The following CNTN5 variants were observed in gnomAD, a reference collection of about 807,000 sequenced individuals.
CNTN5 encodes contactin-5.
In CNTN5, 77 loss-of-function variants were observed where a neutral mutation model predicts 129.1. That is an observed-to-expected ratio of 0.60 (90% CI 0.50 to 0.72). The LOEUF (loss-of-function observed/expected upper bound fraction) is 0.72. Ranked by LOEUF, CNTN5 falls within the 30% of genes least tolerant of loss-of-function variation. CNTN5 has a pLI of 0.00. For missense variants in CNTN5, 1,478 were observed against 1,328.8 expected (o/e 1.11, Z -1.75); for synonymous variants, 509 against 465.6 (o/e 1.09, Z -1.20).
intron 1 of CNTN5, among the ~76,000 whole-genome samples, chr11:99,193,192 T>C (rs779427712): frequency 4.6e-4 from 70 of 152,152 alleles, no homozygotes; most frequent in Non-Finnish European, 8.5e-4. Flanking sequence ...CAGGGGATAA[T>C]ATACAAAGCT....
intron 3 of CNTN5, among the ~76,000 whole-genome samples, chr11:99,735,506 CT>C (rs375114950): frequency 0.62 from 94,318 of 152,076 alleles, 30,485 homozygotes; most frequent in African/African-American, 0.8. Context: ...TATTGACTCA[CT>C]ATTTTTTGAT....
intron 9 of CNTN5, among the ~76,000 whole-genome samples, chr11:100,055,298 CA>C (rs766172388): frequency 6.6e-6 from 1 of 151,512 alleles, no homozygotes; most frequent in Non-Finnish European, 1.5e-5. Flanking sequence ...TTTTTCATTA[CA>C]TGCTCTTTTT....
At chr11:99,287,285 G>C (rs1565463840) in intron 1 of CNTN5, among the ~76,000 whole-genome samples, 1 of 152,130 alleles carries the variant, frequency 6.6e-6, no homozygotes. Context: ...GTATTATTAT[G>C]TGTTTTCCTG....
At chr11:100,008,719 C>T (rs1940337484) in intron 9 of CNTN5, among the ~76,000 whole-genome samples, 1 of 152,086 alleles carries the variant, frequency 6.6e-6, no homozygotes. Context: ...CACTATTCGC[C>T]TTTTTGGTTC....
intron 1 of CNTN5, among the ~76,000 whole-genome samples, chr11:99,022,000 C>G (rs1174147128): frequency 1.3e-5 from 2 of 152,182 alleles, no homozygotes; most frequent in African/African-American, 4.8e-5. Context: ...CCAGAATCCA[C>G]TAAATATTTT....
At chr11:99,109,109 A>T (rs117428172) in intron 1 of CNTN5, among the ~76,000 whole-genome samples, 1 of 151,198 alleles carries the variant, frequency 6.6e-6, no homozygotes, top group Non-Finnish European at 1.5e-5. Context: ...TACACATAGT[A>T]TATGTACATG....
At chr11:99,255,248 T>C (rs1862316608) in intron 1 of CNTN5, among the ~76,000 whole-genome samples, 1 of 151,804 alleles carries the variant, frequency 6.6e-6, no homozygotes, top group Admixed American at 6.6e-5. Flanking sequence ...TTAAAATATA[T>C]CCAGAAAATG....
rs1346674452 is a variant in CNTN5, at chr11:99,187,464, CAT to C, written c.-209-137881_-209-137880del. 8.7e-4 allele frequency among the ~76,000 whole-genome samples: 132 copies of C among 151,678 alleles called. 1 individual carries two copies. Among genetic ancestry groups the C allele is most frequent in the Non-Finnish European group, 3.2e-4 (22 of 67,784 alleles). ...CAAATTACAATTTGTATTAAAATAA[CAT>C]GTCTCCTTCCATGTATCTTAACATG... On this transcript the variant is annotated intron_variant, in intron 1 of 24. Transcript: ENST00000524871.
chr11:99,895,654 AGAGT>A lies in CNTN5; in HGVS notation c.578-20391_578-20388del, dbSNP rs563010063. On this transcript the variant is annotated intron_variant, in intron 6 of 24. Transcript: ENST00000524871. ...CTAAGTTGGGAAAGTGAGTGGGGGA[AGAGT>A]GAGTGAGTAAGAGTCTCCCCTGGGG... Among the ~76,000 whole-genome samples the A allele has an allele frequency of 1.2e-3, 181 of 152,252 alleles. 1 individual carries two copies. Among genetic ancestry groups the A allele is most frequent in the East Asian group, 2.3e-3 (12 of 5,150 alleles).
At chr11:99,463,188 C>T (rs1448732143) in intron 2 of CNTN5, among the ~76,000 whole-genome samples, 1 of 150,448 alleles carries the variant, frequency 6.6e-6, no homozygotes, top group African/African-American at 2.4e-5. Flanking sequence ...CCTGTAATCC[C>T]AGCACTTTGG....
chr11:99,839,868 T>C (rs1420853230), intron 4 of CNTN5, among the ~76,000 whole-genome samples: 1 of 152,032 alleles, frequency 6.6e-6, no homozygotes, highest in Non-Finnish European at 1.5e-5. Flanking sequence ...GAGAGAACTT[T>C]TTTTCTTTTT....
intron 2 of CNTN5, among the ~76,000 whole-genome samples, chr11:99,459,370 G>C (rs1309936665): frequency 6.6e-6 from 1 of 151,950 alleles, no homozygotes; most frequent in Non-Finnish European, 1.5e-5. Context: ...TAAGTTGAAT[G>C]AATAGTGACT....
At chr11:100,235,901 G>T (rs571063294) in intron 16 of CNTN5, among the ~76,000 whole-genome samples, 32 of 152,138 alleles carry the variant, frequency 2.1e-4, no homozygotes, top group African/African-American at 7.7e-4. Context: ...CTCACATGGG[G>T]CACCACCTGC....
intron 18 of CNTN5, among the ~76,000 whole-genome samples, chr11:100,290,738 A>C (rs1179104338): frequency 6.6e-6 from 1 of 150,540 alleles, no homozygotes; most frequent in Admixed American, 6.6e-5. Context: ...AATGGCAACA[A>C]AAGCCAAAAT....
chr11:100,356,237 T>C lies in CNTN5; in HGVS notation c.*17T>C, dbSNP rs1952522319. 3 of 1,502,980 alleles carry C rather than the reference T, an allele frequency of 2.0e-6. No individual in the cohort carries two copies. Among genetic ancestry groups the C allele is most frequent in the Non-Finnish European group, 2.8e-6 (3 of 1,088,812 alleles). The allele number at this position is 1,502,980 out of a possible 1,614,324, so 93.1% of individuals were successfully genotyped here. A position where few individuals can be genotyped will look rare whatever the true frequency, so the allele number is the denominator to read the frequency against. On this transcript the variant is annotated 3_prime_UTR_variant, in exon 25 of 25. Coordinates refer to ENST00000524871, the MANE Select transcript of CNTN5 (RefSeq NM_014361.4). ...TCCTGGTGAAAACTGCTGACTTAAT[T>C]TGCTTTTGTTTGCTTTAGCTTGGTA...
At chr11:99,889,434 A>G (rs1948998101) in intron 6 of CNTN5, among the ~76,000 whole-genome samples, 2 of 151,788 alleles carry the variant, frequency 1.3e-5, no homozygotes, top group Admixed American at 1.3e-4. Context: ...AAATATTGAC[A>G]CATAAAATAG....
intron 1 of CNTN5, among the ~76,000 whole-genome samples, chr11:99,319,305 A>C (rs555555154): frequency 6.6e-6 from 1 of 152,290 alleles, no homozygotes; most frequent in East Asian, 1.9e-4. Context: ...GGCCAACCAC[A>C]TGACTCAACT....
chr11:100,053,217 A>G (rs908914892), intron 9 of CNTN5, among the ~76,000 whole-genome samples: 2 of 151,758 alleles, frequency 1.3e-5, no homozygotes, highest in Non-Finnish European at 3.0e-5. Context: ...ACAGAAAACG[A>G]AAAACCACTA....
chr11:100,272,230 G>C (rs77836116), intron 18 of CNTN5, among the ~76,000 whole-genome samples: 1 of 152,018 alleles, frequency 6.6e-6, no homozygotes, highest in South Asian at 2.1e-4. Flanking sequence ...AACAGTGTTT[G>C]GTACTGGTAC....
Sources: gnomAD v4.1 joint callset for allele counts (sites outside exome capture counted in the v4.1 genomes callset) on GRCh38, gnomAD v4.1.1 for gene constraint, MANE v1.5 for transcripts, NCBI Gene and HGNC (gene_info 2026-07-23, HGNC 2026-07-21) for gene names.